POPDC2: variants seen among roughly 807,000 people sequenced by gnomAD.
POPDC2 encodes the protein popeye domain-containing protein 2.
Under a neutral mutation model 30.5 loss-of-function variants are expected in POPDC2, and 24 were observed. The ratio of observed to expected loss-of-function variants is 0.79; its 90% CI spans 0.57 to 1.11. POPDC2 has a LOEUF of 1.11. Among genes scored for constraint, POPDC2 ranks in the 50% least tolerant of loss-of-function variants. POPDC2 has a pLI of 0.00. For missense variants in POPDC2, 409 were observed against 447.0 expected (o/e 0.91, Z 0.77); for synonymous variants, 185 against 183.3 (o/e 1.01, Z -0.07).
intron 2 of POPDC2, among the ~76,000 whole-genome samples, chr3:119,649,888 T>G (rs2052790079): frequency 6.6e-6 from 1 of 152,184 alleles, no homozygotes. Context: ...TTTTCTCCAC[T>G]AATTGCTAGC....
At chr3:119,655,813 GT>G (rs2052873317) in intron 1 of POPDC2, among the ~76,000 whole-genome samples, 1 of 152,322 alleles carries the variant, frequency 6.6e-6, no homozygotes, top group African/African-American at 2.4e-5. Context: ...ACAACACCAT[GT>G]TGCCACCCTA....
intron 1 of POPDC2, among the ~76,000 whole-genome samples, chr3:119,655,405 G>T (rs1263032938): frequency 6.6e-6 from 1 of 152,206 alleles, no homozygotes; most frequent in Non-Finnish European, 1.5e-5. Context: ...TAAAAATTCA[G>T]TTCCTTACCT....
At chr3:119,660,672 C>T (rs2052934294), upstream of POPDC2, 1 of 359,150 alleles carries the variant, frequency 2.8e-6, no homozygotes, top group African/African-American at 2.2e-5. Flanking sequence ...CTCTCTCCTC[C>T]CCACCACCCC....
Position 119,642,308 on chromosome 3 carries a change from A to C in POPDC2, c.*297T>G, listed in dbSNP as rs892526055. On this transcript the variant is annotated 3_prime_UTR_variant, in exon 4 of 4. Coordinates refer to ENST00000493094, the MANE Select transcript of POPDC2 (RefSeq NM_001369919.2). ...AGGTTTGTGAGGGTGAATTTCTCAA[A>C]GTCACTTCAGGTCCTTACTGTAGCG... The C allele has an allele frequency of 4.0e-6, 2 of 499,488 alleles. No individual in the cohort carries two copies. The highest frequency in any genetic ancestry group is 7.3e-6 in the Non-Finnish European group (2 of 274,204). 30.9% of individuals were successfully genotyped at this position (499,488 alleles called of 1,614,324 possible). A position where few individuals can be genotyped will look rare whatever the true frequency, so the allele number is the denominator to read the frequency against.
At chr3:119,644,702 G>A (rs893180066) in intron 3 of POPDC2, among the ~76,000 whole-genome samples, 1 of 152,202 alleles carries the variant, frequency 6.6e-6, no homozygotes, top group Non-Finnish European at 1.5e-5. Context: ...AATTCAGCCA[G>A]CTTCATGCCT....
intron 2 of POPDC2, among the ~76,000 whole-genome samples, chr3:119,649,791 A>G (rs116728968): frequency 0.018 from 2,753 of 152,258 alleles, 77 homozygotes; most frequent in African/African-American, 0.059. Context: ...TGTATTGCCT[A>G]CTGGATCTCC....
At chr3:119,655,148 G>A (rs2052865372) in intron 1 of POPDC2, among the ~76,000 whole-genome samples, 1 of 151,958 alleles carries the variant, frequency 6.6e-6, no homozygotes. Context: ...CCAAGAGAGT[G>A]AAACCCCCAT....
rs79808343 is a variant in POPDC2, at chr3:119,658,376, C to T, written c.491+1557G>A. ...CAGGAAAAGCTACACCAAGGGCAAGCCCCCCTCTCCCCTTCACTGGGAAGT... is the reference window on the plus strand; with the variant it reads ...CAGGAAAAGCTACACCAAGGGCAAGTCCCCCTCTCCCCTTCACTGGGAAGT... On this transcript the variant is annotated intron_variant, in intron 1 of 3. Transcript: ENST00000493094. Among the ~76,000 whole-genome samples, 1,076 of 152,324 alleles carry T rather than the reference C, an allele frequency of 7.1e-3. 84 individuals are homozygous for T. In the East Asian group the frequency reaches 0.17, roughly 24 times the overall value.
Position 119,660,136 on chromosome 3 carries a change from T to C in POPDC2, c.288A>G (p.Val96=). 1 of 1,614,156 alleles carries C rather than the reference T, an allele frequency of 6.2e-7. No homozygotes were observed. The highest frequency in any genetic ancestry group is 8.5e-7 in the Non-Finnish European group (1 of 1,180,012). Reference sequence around the variant, plus strand: ...GGAGGGTGTCCTCACGCAGGCGGTATACCAGGTGTGCCAGCTGGAGCAGGC... The same window carrying C: ...GGAGGGTGTCCTCACGCAGGCGGTACACCAGGTGTGCCAGCTGGAGCAGGC... The part of the protein sequence containing the change: ...VVCLLQLAHL[V]YRLREDTLPE... The change falls in exon 1 of 4, where the codon GTA becomes GTG. Residue 96 remains valine (V), a synonymous_variant. Coordinates refer to ENST00000493094, the MANE Select transcript of POPDC2 (RefSeq NM_001369919.2).
Position 119,648,141 on chromosome 3 carries a change from G to A in POPDC2, c.*21C>T, listed in dbSNP as rs1290202798. ...TACATAGGATCCTGAGCCGGTGGCT[G>A]TGCCCATGTTAGTTCTCCCTTCACC... is the stretch of plus-strand genomic sequence containing the variant. On this transcript the variant is annotated 3_prime_UTR_variant, in exon 3 of 4. Transcript: ENST00000493094. 3.4e-6 allele frequency: 5 copies of A among 1,484,376 alleles called. No homozygotes were observed. The South Asian group carries it at 5.4e-5, about 16-fold the overall frequency. 92.0% of individuals were successfully genotyped at this position (1,484,376 alleles called of 1,614,324 possible).
chr3:119,647,673 A>G (rs549708774), intron 3 of POPDC2, among the ~76,000 whole-genome samples: 112 of 152,340 alleles, frequency 7.4e-4, no homozygotes, highest in African/African-American at 2.5e-3. Flanking sequence ...TGCAGTTTTA[A>G]CAGAGATGCC....
At chr3:119,646,217 G>C (rs2052743716) in intron 3 of POPDC2, among the ~76,000 whole-genome samples, 1 of 151,632 alleles carries the variant, frequency 6.6e-6, no homozygotes, top group African/African-American at 2.4e-5. Context: ...CAAAAAAGGT[G>C]GGAAAAAGAA....
intron 1 of POPDC2, among the ~76,000 whole-genome samples, chr3:119,659,201 C>T (rs2052912482): frequency 6.6e-6 from 1 of 152,226 alleles, no homozygotes; most frequent in Non-Finnish European, 1.5e-5. Flanking sequence ...CAGCCTTCTC[C>T]AAAAGAGGCG....
chr3:119,653,627 G>A (rs1270645457), intron 2 of POPDC2, among the ~76,000 whole-genome samples: 3 of 151,992 alleles, frequency 2.0e-5, no homozygotes, highest in Non-Finnish European at 2.9e-5. Context: ...ACAGGTGCCC[G>A]CCACCATGCC....
chr3:119,643,465 G>C (rs1560095160), intron 3 of POPDC2: 1 of 1,452,934 alleles, frequency 6.9e-7, no homozygotes, highest in Admixed American at 2.0e-5. Flanking sequence ...AAAAGAAAGA[G>C]AAAGAAAGAG....
chr3:119,655,502 G>GC (rs2052869127), intron 1 of POPDC2, among the ~76,000 whole-genome samples: 1 of 152,170 alleles, frequency 6.6e-6, no homozygotes, highest in African/African-American at 2.4e-5. Flanking sequence ...TGTCATCACA[G>GC]AAAGTTCTGT....
chr3:119,657,028 G>A (rs2052887371), intron 1 of POPDC2, among the ~76,000 whole-genome samples: 1 of 152,242 alleles, frequency 6.6e-6, no homozygotes, highest in Non-Finnish European at 1.5e-5. Context: ...TAACAGAGGA[G>A]AGAGAAAGAT....
At chr3:119,653,369 A>C (rs924844760) in intron 2 of POPDC2, among the ~76,000 whole-genome samples, 2 of 152,332 alleles carry the variant, frequency 1.3e-5, no homozygotes, top group Middle Eastern at 6.8e-3. Context: ...TGGCAGAGAT[A>C]AGAAGAGTAG....
chr3:119,660,011 A>G lies in POPDC2; in HGVS notation c.413T>C (p.Leu138Ser). 6.2e-7 allele frequency: 1 copy of G among 1,614,192 alleles called. No homozygotes were observed. Among genetic ancestry groups the G allele is most frequent in the Non-Finnish European group, 8.5e-7 (1 of 1,179,990 alleles). The change falls in exon 1 of 4, where the codon TTA (leucine) becomes TCA (serine). Residue 138 changes from leucine to serine, a missense_variant. Physicochemically the swap from Leu to Ser is moderately radical, Grantham distance 145. Coordinates refer to ENST00000493094, the MANE Select transcript of POPDC2 (RefSeq NM_001369919.2). ...EIVHCCEEQV[L>S]TLATEQTYAV... ...ATAGGTCTGTTCAGTGGCCAGAGTT[A>G]AGACCTGCTCCTCGCAGCAGTGAAC...
Sources: allele counts gnomAD v4.1 joint callset (sites outside exome capture counted in the v4.1 genomes callset), GRCh38; gene constraint gnomAD v4.1.1; transcripts MANE v1.5; gene names NCBI Gene and HGNC (gene_info 2026-07-23, HGNC 2026-07-21).